Variants in SATL1 observed in about 807,000 individuals in gnomAD.
SATL1 encodes spermidine/spermine N1-acetyl transferase like 1.
SATL1 carries 47 observed loss-of-function variants against 51.8 expected under a neutral mutation model. The ratio of observed to expected loss-of-function variants is 0.91; its 90% confidence interval spans 0.72 to 1.16. The LOEUF is 1.16. SATL1 is among the 50% of genes most tolerant of loss of function. SATL1 has a pLI of 0.00. For synonymous variants in SATL1, 176 were observed against 182.4 expected, an observed-to-expected ratio of 0.97 and a Z score of 0.28; for missense variants, 520 against 526.4, an observed-to-expected ratio of 0.99 and a Z score of 0.12.
chrX:85,198,495 T>A (rs1927622010), intron 2 of SATL1, among the ~76,000 whole-genome samples: 1 of 111,872 alleles, frequency 8.9e-6, no homozygotes, highest in Non-Finnish European at 1.9e-5. Context: ...AGCATTTGCC[T>A]GTCTTTTGAA....
At position 85,107,984 on chromosome X, in the gene SATL1, G is replaced by C; in HGVS notation, c.985C>G (p.Pro329Ala). The stretch of plus-strand genomic sequence containing the variant: ...CTCAGGCTTTGTGGCCACATGCCTG[G>C]TTGGCTCCTACCTAATTGCCATGTG... ...PGTWQLGRSQPGMWPQSLSEL... is the reference protein window; with the variant it reads ...PGTWQLGRSQAGMWPQSLSEL... Residue 329 changes from proline to alanine, a missense_variant, in exon 3 of 8, where the codon CCA becomes GCA. Around this residue, in one of 3 missense-constraint regions of SATL1, gnomAD observed 488 missense variants for 474.3 expected, o/e 1.03. Coordinates refer to ENST00000644105, the MANE Select transcript of SATL1 (RefSeq NM_001367857.2). 9.9e-6 allele frequency: 12 copies of C among 1,211,705 alleles called. No homozygotes were observed. Among genetic ancestry groups the C allele is most frequent in the Non-Finnish European group, 1.3e-5 (12 of 895,536 alleles).
At chrX:85,128,333 A>G (rs1394711869) in intron 2 of SATL1, among the ~76,000 whole-genome samples, 2 of 111,318 alleles carry the variant, frequency 1.8e-5, no homozygotes, top group Non-Finnish European at 3.8e-5. Context: ...TTTAATGATC[A>G]CCATTCTAAC....
rs1183087763 is a variant in SATL1 at position 85,204,964 on chromosome X, T to C, written c.-313+19241A>G. On this transcript the variant is annotated intron_variant, in intron 2 of 7. Transcript: ENST00000644105. ...AACAAATTGTGTTTCTTGTTCTTAT[T>C]CTTCTTATGAGGGCACAAAGATAAC... Among the ~76,000 whole-genome samples, 3 of 112,229 alleles carry C rather than the reference T, an allele frequency of 2.7e-5. No homozygotes were observed. The East Asian group carries it at 8.4e-4, about 31-fold the overall frequency.
chrX:85,129,490 T>A (rs750622159), intron 2 of SATL1, among the ~76,000 whole-genome samples: 5 of 112,098 alleles, frequency 4.5e-5, no homozygotes, highest in African/African-American at 6.5e-5. Flanking sequence ...TTTTACACAG[T>A]GATTTTGTAT....
chrX:85,228,544 T>C (rs1928320349), intron 1 of SATL1, among the ~76,000 whole-genome samples: 1 of 111,374 alleles, frequency 9.0e-6, no homozygotes, highest in East Asian at 2.8e-4. Context: ...TCCCATTCTT[T>C]ATAGAACTCA....
chrX:85,139,461 C>T (rs1038427552), intron 2 of SATL1, among the ~76,000 whole-genome samples: 2 of 111,275 alleles, frequency 1.8e-5, no homozygotes, highest in African/African-American at 6.5e-5. Context: ...CTGAAATATA[C>T]AGCTAGTAAA....
intron 4 of SATL1, among the ~76,000 whole-genome samples, chrX:85,099,018 TC>T (rs1256887796): frequency 9.0e-6 from 1 of 111,126 alleles, no homozygotes; most frequent in Non-Finnish European, 1.9e-5. Context: ...TTTGAAAAGA[TC>T]AACAAAATTG....
At chrX:85,213,921 A>G (rs989941507) in intron 2 of SATL1, among the ~76,000 whole-genome samples, 2 of 111,540 alleles carry the variant, frequency 1.8e-5, no homozygotes, top group South Asian at 7.5e-4. Context: ...AGAAAACCTC[A>G]GTAAGAAAAG....
chrX:85,127,409 C>A (rs1925653102), intron 2 of SATL1, among the ~76,000 whole-genome samples: 2 of 111,447 alleles, frequency 1.8e-5, no homozygotes, highest in African/African-American at 6.5e-5. Context: ...GATCCAAGAA[C>A]CAAGGAATGT....
At chrX:85,182,235 T>A (rs188274499) in intron 2 of SATL1, among the ~76,000 whole-genome samples, 1 of 111,397 alleles carries the variant, frequency 9.0e-6, no homozygotes, top group African/African-American at 3.2e-5. Context: ...TATTTCCCTA[T>A]CCTCTCCTTT....
intron 2 of SATL1, among the ~76,000 whole-genome samples, chrX:85,195,303 A>G (rs755913174): frequency 7.2e-5 from 8 of 111,230 alleles, no homozygotes; most frequent in Non-Finnish European, 1.3e-4. Context: ...GTGGTGGAGG[A>G]CAGAAAGCAG....
At chrX:85,139,779 T>G (rs1406829336) in intron 2 of SATL1, among the ~76,000 whole-genome samples, 4 of 112,011 alleles carry the variant, frequency 3.6e-5, no homozygotes, top group Non-Finnish European at 5.6e-5. Flanking sequence ...TTTTTCAAGA[T>G]AAGAATCTGA....
At chrX:85,133,956 C>A (rs938723828) in intron 2 of SATL1, among the ~76,000 whole-genome samples, 7 of 111,725 alleles carry the variant, frequency 6.3e-5, no homozygotes, top group Non-Finnish European at 1.1e-4. Flanking sequence ...TATTAAATTT[C>A]TTTCTTTTCA....
chrX:85,183,578 T>G (rs1368502029), intron 2 of SATL1, among the ~76,000 whole-genome samples: 4 of 111,492 alleles, frequency 3.6e-5, no homozygotes, highest in Admixed American at 1.9e-4. Flanking sequence ...CCATACAAAT[T>G]ATAAGATATA....
chrX:85,206,246 T>C (rs1473149781), intron 2 of SATL1, among the ~76,000 whole-genome samples: 4 of 111,627 alleles, frequency 3.6e-5, no homozygotes, highest in East Asian at 2.8e-4. Context: ...TTTAAAGTCA[T>C]GTTAATGGAC....
intron 2 of SATL1, among the ~76,000 whole-genome samples, chrX:85,126,548 C>T (rs757186121): frequency 1.6e-4 from 18 of 111,201 alleles, no homozygotes; most frequent in Admixed American, 1.4e-3. Context: ...CTGCCGCTTT[C>T]GGTATAATGA....
intron 2 of SATL1, among the ~76,000 whole-genome samples, chrX:85,141,194 TC>T (rs1926100743): frequency 9.0e-6 from 1 of 111,081 alleles, no homozygotes; most frequent in Non-Finnish European, 1.9e-5. Context: ...CCAGCAAACT[TC>T]CCCTTATGTC....
intron 2 of SATL1, among the ~76,000 whole-genome samples, chrX:85,187,453 T>A (rs1375814723): frequency 8.9e-6 from 1 of 111,779 alleles, no homozygotes; most frequent in Non-Finnish European, 1.9e-5. Flanking sequence ...GAGCAGTGTG[T>A]TTATCATATA....
intron 3 of SATL1, among the ~76,000 whole-genome samples, chrX:85,106,813 G>C (rs1925054726): frequency 8.9e-6 from 1 of 112,059 alleles, no homozygotes; most frequent in Non-Finnish European, 1.9e-5. Flanking sequence ...AAAATGTATG[G>C]AAAATTTGTT....
Sources: allele counts gnomAD v4.1 joint callset (sites outside exome capture counted in the v4.1 genomes callset), GRCh38; gene constraint gnomAD v4.1.1; regional missense constraint gnomAD v4.1.1; transcripts MANE v1.5; gene names NCBI Gene and HGNC (gene_info 2026-07-23, HGNC 2026-07-21).